The following ARMCX4 variants were observed in gnomAD, a reference collection of about 807,000 sequenced individuals.
The protein encoded by ARMCX4 is armadillo repeat containing X-linked 4.
In ARMCX4, 3 loss-of-function variants were observed where a neutral mutation model predicts 34.7. The observed-to-expected ratio is 0.09, with a 90% CI of 0.04 to 0.22. The LOEUF (loss-of-function observed/expected upper bound fraction) is 0.22, where lower values mean the gene tolerates loss of function less well. ARMCX4 is among the 10% of genes least tolerant of loss of function. The pLI is 1.00. For missense variants in ARMCX4, 1,448 were observed against 1,720.8 expected, an observed-to-expected ratio of 0.84 and a Z score of 2.81; for synonymous variants, 513 against 632.8, an observed-to-expected ratio of 0.81 and a Z score of 2.84.
chrX:101,431,215 A>G (rs1419255566), intron 2 of ARMCX4, among the ~76,000 whole-genome samples: 1 of 111,995 alleles, frequency 8.9e-6, no homozygotes, highest in Non-Finnish European at 1.9e-5. Flanking sequence ...TGGGAAGGTC[A>G]TACTTCAAAG....
Position 101,489,099 on chromosome X carries a change from A to C in ARMCX4, c.510A>C (p.Lys170Asn). 8.6e-7 allele frequency: 1 copy of C among 1,156,353 alleles called. No individual in the cohort carries two copies. Among genetic ancestry groups the C allele is most frequent in the South Asian group, 1.9e-5 (1 of 52,748 alleles). ...AAGCAGTGACACAGACCAAGGCTAA[A>C]GCTTGGGCGCTGGTTGCCAAGACAG... ...KKEAVTQTKA[K>N]AWALVAKTEA... The change falls in exon 6 of 6, where the codon AAA (lysine) becomes AAC (asparagine). Residue 170 changes from lysine (K) to asparagine (N), a missense_variant. This residue lies in a region of ARMCX4 where 1,343 missense variants were observed against 1,540.7 expected (regional missense o/e 0.87). Transcript: ENST00000423738.
Position 101,490,441 on chromosome X carries a change from G to A in ARMCX4, c.1852G>A (p.Val618Met), listed in dbSNP as rs1214884969. The change falls in exon 6 of 6, where the codon GTG (valine) becomes ATG (methionine). Residue 618 changes from valine (V) to methionine (M), a missense_variant. Val to Met is a conservative substitution (Grantham distance 21). Coordinates refer to ENST00000423738, the MANE Select transcript of ARMCX4 (RefSeq NM_001256155.3). The stretch of plus-strand genomic sequence containing the variant: ...GGGCAATCCCCATACTGTGCTTAAG[G>A]TGGGGGCTGGAGAAGGTACAACAGA... ...VKGNPHTVLK[V>M]GAGEGTTDSA... 5.2e-6 allele frequency: 6 copies of A among 1,150,900 alleles called. No homozygotes were observed. The highest frequency in any genetic ancestry group is 5.7e-6 in the Non-Finnish European group (5 of 871,329). The allele number at this position is 1,150,900 out of a possible 1,213,427, so 94.8% of individuals were successfully genotyped here.
chrX:101,461,422 T>C (rs1556001181), intron 4 of ARMCX4, among the ~76,000 whole-genome samples: 1 of 112,417 alleles, frequency 8.9e-6, no homozygotes, highest in African/African-American at 3.2e-5. Flanking sequence ...TAATATTCCA[T>C]TGTATGGATA....
At chrX:101,433,241 T>C (rs781930310) in intron 2 of ARMCX4, among the ~76,000 whole-genome samples, 117 of 97,457 alleles carry the variant, frequency 1.2e-3, no homozygotes, top group African/African-American at 4.1e-3. Context: ...TACACATATG[T>C]ATATATACAC....
At chrX:101,517,508 A>G (rs1934768371) in intron 11 of ARMCX4, among the ~76,000 whole-genome samples, 1 of 111,010 alleles carries the variant, frequency 9.0e-6, no homozygotes, top group Non-Finnish European at 1.9e-5. Context: ...ATGCTGAGCT[A>G]ATTCTTTTTT....
chrX:101,491,727 C>G lies in ARMCX4; in HGVS notation c.3138C>G (p.Asp1046Glu), dbSNP rs1933988106. The change falls in exon 6 of 6, where the codon GAC (aspartate) becomes GAG (glutamate). Residue 1046 changes from aspartate to glutamate, a missense_variant. Asp to Glu is a conservative substitution (Grantham distance 45, BLOSUM62 2). Transcript: ENST00000423738. ...GTGAGACCTTGCCTGGGGCAAGGGA[C>G]AAGTCTATGTCCACTTCTGAGGCAG... Reference protein sequence around the residue: ...SQGETLPGARDKSMSTSEAEA... With the variant: ...SQGETLPGAREKSMSTSEAEA... 8.7e-7 allele frequency: 1 copy of G among 1,155,422 alleles called. No homozygotes were observed. The highest frequency in any genetic ancestry group is 1.8e-5 in the African/African-American group (1 of 56,270).
intron 2 of ARMCX4, among the ~76,000 whole-genome samples, chrX:101,421,203 C>CAAA (rs545262345): frequency 1.2e-3 from 46 of 39,086 alleles, no homozygotes; most frequent in Middle Eastern, 0.034. Flanking sequence ...AACTCTGTCT[C>CAAA]AAAAAAAAAA....
At chrX:101,482,025 G>A (rs782232990), upstream of ARMCX4, among the ~76,000 whole-genome samples, 576 of 111,335 alleles carry the variant, frequency 5.2e-3, 9 homozygotes, top group African/African-American at 0.018. Flanking sequence ...CTTGAGGCCA[G>A]GAGTTTGAGA....
chrX:101,481,994 G>A (rs1556005506), upstream of ARMCX4, among the ~76,000 whole-genome samples: 2 of 111,574 alleles, frequency 1.8e-5, no homozygotes, highest in African/African-American at 6.5e-5. Context: ...AGCACTTTGA[G>A]AGGCCCAGGT....
intron 7 of ARMCX4, among the ~76,000 whole-genome samples, chrX:101,500,809 T>C (rs1240083122): frequency 8.9e-6 from 1 of 111,984 alleles, no homozygotes; most frequent in Admixed American, 9.5e-5. Context: ...TGTCATAATA[T>C]AGTCTGAAGA....
intron 10 of ARMCX4, chrX:101,510,906 C>A (rs1405207128): frequency 9.0e-6 from 1 of 111,457 alleles, no homozygotes; most frequent in Non-Finnish European, 1.9e-5. Context: ...AAGCCTAATG[C>A]TCTTCTATTT....
At chrX:101,438,916 CTT>C (rs1931027991) in intron 2 of ARMCX4, among the ~76,000 whole-genome samples, 1 of 111,726 alleles carries the variant, frequency 9.0e-6, no homozygotes, top group African/African-American at 3.3e-5. Flanking sequence ...GGTCTTGACT[CTT>C]TATCCAATTT....
At position 101,491,808 on chromosome X, in the gene ARMCX4, T is replaced by C. The variant is rs1223082830; in HGVS notation, c.3219T>C (p.Thr1073=). ...AGCCTGAGGCTGAGGCCATGCCCACTTCTGAGAGTGAGGGTGGGTCAGGCA... is the reference window on the plus strand; with the variant it reads ...AGCCTGAGGCTGAGGCCATGCCCACCTCTGAGAGTGAGGGTGGGTCAGGCA... ...YAKPEAEAMP[T]SESEGGSGTQ... The change falls in exon 6 of 6, where the codon ACT becomes ACC. Residue 1073 remains threonine (T), a synonymous_variant. Coordinates refer to ENST00000423738, the MANE Select transcript of ARMCX4 (RefSeq NM_001256155.3). 8.6e-7 allele frequency: 1 copy of C among 1,156,531 alleles called. No homozygotes were observed. The highest frequency in any genetic ancestry group is 1.9e-5 in the South Asian group (1 of 52,812).
Position 101,495,513 on chromosome X carries a change from T to C in ARMCX4, c.*51T>C. The C allele has an allele frequency of 1.9e-6, 2 of 1,062,934 alleles. No individual in the cohort carries two copies. 87.6% of individuals were successfully genotyped at this position (1,062,934 alleles called of 1,213,427 possible). A position where few individuals can be genotyped will look rare whatever the true frequency, so the allele number is the denominator to read the frequency against. On this transcript the variant is annotated 3_prime_UTR_variant, in exon 6 of 6. Transcript: ENST00000423738. ...TGAGTAATATTTTGGTTTTGCACTCTGGAAGTAATGCACATTGTAAATTGC... is the reference window on the plus strand; with the variant it reads ...TGAGTAATATTTTGGTTTTGCACTCCGGAAGTAATGCACATTGTAAATTGC...
intron 2 of ARMCX4, among the ~76,000 whole-genome samples, chrX:101,431,864 A>G (rs1762077036): frequency 8.9e-6 from 1 of 112,333 alleles, no homozygotes; most frequent in Non-Finnish European, 1.9e-5. Flanking sequence ...TCTTAAAGGC[A>G]TATATAGTGA....
chrX:101,446,727 G>A (rs1327131402), downstream of ARMCX4, among the ~76,000 whole-genome samples: 8 of 110,346 alleles, frequency 7.2e-5, no homozygotes, highest in Non-Finnish European at 1.3e-4. Flanking sequence ...ATGCTGAGGC[G>A]GGTGGATCAT....
At chrX:101,512,807 C>CATATATACACAT (rs201417861) in intron 11 of ARMCX4, among the ~76,000 whole-genome samples, 4 of 90,642 alleles carry the variant, frequency 4.4e-5, no homozygotes, top group Non-Finnish European at 6.3e-5. Context: ...CATATATACA[C>CATATATACACAT]ATATATACAC....
At chrX:101,513,317 A>T (rs141675464) in intron 11 of ARMCX4, among the ~76,000 whole-genome samples, 1,623 of 111,478 alleles carry the variant, frequency 0.015, 39 homozygotes, top group African/African-American at 0.051. Context: ...GCACCCATAC[A>T]CATCTCCTTA....
At chrX:101,521,784 G>A (rs1255236020) in intron 11 of ARMCX4, among the ~76,000 whole-genome samples, 2 of 110,610 alleles carry the variant, frequency 1.8e-5, no homozygotes, top group Non-Finnish European at 3.8e-5. Context: ...TGGTGACATA[G>A]GCATATGTTT....
Sources: gnomAD v4.1 joint callset for allele counts (sites outside exome capture counted in the v4.1 genomes callset) on GRCh38, gnomAD v4.1.1 for gene constraint, gnomAD v4.1.1 regional missense constraint, MANE v1.5 for transcripts, NCBI Gene and HGNC (gene_info 2026-07-23, HGNC 2026-07-21) for gene names.